SLC35F3: variants seen among roughly 807,000 people sequenced by gnomAD.
SLC35F3 encodes the protein putative thiamine transporter SLC35F3.
In SLC35F3, 25 loss-of-function variants were observed where a neutral mutation model predicts 49.9. That is an observed-to-expected ratio of 0.50 (90% CI 0.37 to 0.70). The LOEUF is 0.70. Ranked by LOEUF, SLC35F3 falls within the 30% of genes least tolerant of loss-of-function variation. SLC35F3 has a pLI of 0.00. For synonymous variants in SLC35F3, 275 were observed against 265.4 expected (o/e 1.04, Z -0.35); for missense variants, 525 against 639.8 (o/e 0.82, Z 1.94).
chr1:234,146,900 T>C (rs1032881187), intron 2 of SLC35F3, among the ~76,000 whole-genome samples: 4 of 152,192 alleles, frequency 2.6e-5, no homozygotes, highest in African/African-American at 9.7e-5. Context: ...TTTTGGTGTC[T>C]TAGTGTGAAA....
intron 2 of SLC35F3, among the ~76,000 whole-genome samples, chr1:234,190,795 C>T (rs1191583372): frequency 6.6e-6 from 1 of 152,222 alleles, no homozygotes. Flanking sequence ...CCGACTGCCA[C>T]AGCTACTACT....
At chr1:234,074,237 C>T (rs972256792) in intron 2 of SLC35F3, among the ~76,000 whole-genome samples, 2 of 152,156 alleles carry the variant, frequency 1.3e-5, no homozygotes, top group Admixed American at 1.3e-4. Flanking sequence ...AAGCTTCCAT[C>T]CTGATTGCTG....
chr1:233,928,314 G>C (rs6702479), intron 2 of SLC35F3, among the ~76,000 whole-genome samples: 66,890 of 152,000 alleles, frequency 0.44, 15,318 homozygotes, highest in East Asian at 0.61. Flanking sequence ...GAAGAAATGT[G>C]AGCACATCAC....
At chr1:234,319,601 C>T (rs1572151713) in intron 6 of SLC35F3, among the ~76,000 whole-genome samples, 1 of 152,078 alleles carries the variant, frequency 6.6e-6, no homozygotes, top group East Asian at 1.9e-4. Flanking sequence ...ACTCAGGAGG[C>T]TGAAGTGGGA....
chr1:234,018,615 A>T (rs1222151514), intron 2 of SLC35F3, among the ~76,000 whole-genome samples: 2 of 152,200 alleles, frequency 1.3e-5, no homozygotes, highest in Admixed American at 6.5e-5. Flanking sequence ...CATTTATATC[A>T]CAAAATGCCA....
chr1:234,319,282 A>G (rs1251949428), intron 6 of SLC35F3, among the ~76,000 whole-genome samples: 2 of 152,148 alleles, frequency 1.3e-5, no homozygotes. Flanking sequence ...ATAAGTGTCA[A>G]TATTCAATAA....
chr1:233,949,903 A>G (rs1662576033), intron 2 of SLC35F3, among the ~76,000 whole-genome samples: 1 of 152,186 alleles, frequency 6.6e-6, no homozygotes, highest in Admixed American at 6.5e-5. Flanking sequence ...GACCCTGGGC[A>G]GAGATGCCCT....
intron 2 of SLC35F3, among the ~76,000 whole-genome samples, chr1:234,003,881 C>T (rs1663590260): frequency 6.6e-6 from 1 of 152,126 alleles, no homozygotes; most frequent in Non-Finnish European, 1.5e-5. Flanking sequence ...TAGGAGAATG[C>T]ACATTAAAGC....
intron 2 of SLC35F3, among the ~76,000 whole-genome samples, chr1:234,025,068 G>A (rs1336797943): frequency 6.6e-6 from 1 of 152,214 alleles, no homozygotes; most frequent in African/African-American, 2.4e-5. Context: ...AGAACATGTG[G>A]TATTTGATTT....
chr1:234,173,321 GCCCT>G (rs1467769206), intron 2 of SLC35F3, among the ~76,000 whole-genome samples: 3 of 152,166 alleles, frequency 2.0e-5, no homozygotes, highest in African/African-American at 7.2e-5. Flanking sequence ...CCTTACAAAA[GCCCT>G]GAAAGGTAGA....
At chr1:234,057,617 TG>T in intron 2 of SLC35F3, among the ~76,000 whole-genome samples, 2 of 152,324 alleles carry the variant, frequency 1.3e-5, no homozygotes, top group South Asian at 4.1e-4. Context: ...CTTTCCAATT[TG>T]GGTACCTTTT....
At chr1:234,104,207 G>A (rs1298407992) in intron 2 of SLC35F3, among the ~76,000 whole-genome samples, 15 of 152,212 alleles carry the variant, frequency 9.9e-5, no homozygotes, top group Admixed American at 9.8e-4. Context: ...ATGTTATGCA[G>A]TGATGAAAGA....
intron 2 of SLC35F3, among the ~76,000 whole-genome samples, chr1:234,200,504 G>A (rs538335997): frequency 2.0e-5 from 3 of 152,236 alleles, no homozygotes; most frequent in African/African-American, 7.2e-5. Context: ...CTGCCTGATA[G>A]CCTTACCAGA....
chr1:234,019,119 AT>A (rs1663852553), intron 2 of SLC35F3, among the ~76,000 whole-genome samples: 1 of 152,326 alleles, frequency 6.6e-6, no homozygotes, highest in East Asian at 1.9e-4. Flanking sequence ...AGAGAAGTGT[AT>A]TCCAGCCAAG....
At chr1:234,155,254 A>G (rs1216596782) in intron 2 of SLC35F3, among the ~76,000 whole-genome samples, 1 of 152,142 alleles carries the variant, frequency 6.6e-6, no homozygotes, top group Non-Finnish European at 1.5e-5. Flanking sequence ...TTGTTTTAAG[A>G]CAATTTTATT....
At chr1:233,956,195 C>T (rs1292431075) in intron 2 of SLC35F3, among the ~76,000 whole-genome samples, 1 of 152,072 alleles carries the variant, frequency 6.6e-6, no homozygotes, top group Non-Finnish European at 1.5e-5. Context: ...GCCCTGCAAA[C>T]TATTAAGTTA....
intron 2 of SLC35F3, among the ~76,000 whole-genome samples, chr1:234,200,921 C>G (rs1666892104): frequency 6.6e-6 from 1 of 152,200 alleles, no homozygotes. Flanking sequence ...TTTTGTTTCT[C>G]TATCATCCTC....
chr1:234,145,146 G>C (rs1327581352), intron 2 of SLC35F3, among the ~76,000 whole-genome samples: 1 of 152,186 alleles, frequency 6.6e-6, no homozygotes, highest in Non-Finnish European at 1.5e-5. Context: ...AAATTCCTTG[G>C]AACCTCAGGG....
intron 2 of SLC35F3, among the ~76,000 whole-genome samples, chr1:234,002,403 T>A (rs1325720194): frequency 6.6e-6 from 1 of 152,230 alleles, no homozygotes; most frequent in African/African-American, 2.4e-5. Flanking sequence ...GCTGTGACAG[T>A]GTCTCAGACT....
Sources: gnomAD v4.1 joint callset for allele counts (sites outside exome capture counted in the v4.1 genomes callset) on GRCh38, gnomAD v4.1.1 for gene constraint, MANE v1.5 for transcripts, NCBI Gene and HGNC (gene_info 2026-07-23, HGNC 2026-07-21) for gene names.